The following GABARAP variants were observed in gnomAD, a reference collection of about 807,000 sequenced individuals.
The protein encoded by GABARAP is GABA type A receptor-associated protein.
Under a neutral mutation model 16.7 loss-of-function variants are expected in GABARAP, and 5 were observed. The ratio of observed to expected loss-of-function variants is 0.30; its 90% CI spans 0.16 to 0.63. The LOEUF is 0.63. Among genes scored for constraint, GABARAP ranks in the 20% least tolerant of loss-of-function variants. The pLI, the probability that GABARAP is intolerant of heterozygous loss-of-function variation, is 0.82. For synonymous variants in GABARAP, 45 were observed against 52.7 expected (o/e 0.85, Z 0.64); for missense variants, 84 against 146.6 (o/e 0.57, Z 2.21).
At chr17:7,241,505 G>T in intron 2 of GABARAP, 45 bp from the exon 3 acceptor site, 2 of 1,333,168 alleles carry the variant, frequency 1.5e-6, no homozygotes, top group Non-Finnish European at 2.2e-6. Context: ...GGTCAAAAAT[G>T]CCCTCAAAAG....
Position 7,242,399 on chromosome 17 carries a change from A to G in GABARAP, c.-69T>C. 2 of 1,202,384 alleles carry G rather than the reference A, an allele frequency of 1.7e-6. No individual in the cohort carries two copies. The highest frequency in any genetic ancestry group is 2.4e-5 in the East Asian group (1 of 41,994). 74.5% of individuals were successfully genotyped at this position (1,202,384 alleles called of 1,614,324 possible). ...AGGGGGGCCGGGACGGGGGGCGGCG[A>G]CGACGGCGGCGACGCGCGGGCGGAT... is the stretch of plus-strand genomic sequence containing the variant. On this transcript the variant is annotated 5_prime_UTR_variant, in exon 1 of 4. Coordinates refer to ENST00000302386, the MANE Select transcript of GABARAP (RefSeq NM_007278.2).
rs1448759559 is a variant in GABARAP at position 7,240,153 on chromosome 17, A to G, written c.*701T>C. ...ACAGTAAAAAAAAATTTTTTTTTAC[A>G]TGAGCATTTTTAACATTTAGTTTCA... On this transcript the variant is annotated 3_prime_UTR_variant, in exon 4 of 4. Coordinates refer to ENST00000302386, the MANE Select transcript of GABARAP (RefSeq NM_007278.2). 6.6e-6 allele frequency: 1 copy of G among 152,240 alleles called. No individual in the cohort carries two copies. The highest frequency in any genetic ancestry group is 1.5e-5 in the Non-Finnish European group (1 of 68,036). The allele number at this position is 152,240 out of a possible 1,614,324, so 9.4% of individuals were successfully genotyped here. A position where few individuals can be genotyped will look rare whatever the true frequency, so the allele number is the denominator to read the frequency against.
chr17:7,241,320 C>T, intron 3 of GABARAP, 22 bp downstream of exon 3: 2 of 1,078,948 alleles, frequency 1.9e-6, no homozygotes, highest in South Asian at 1.2e-5. Context: ...CCAAAGCCTC[C>T]ACCACTTCCC....
rs751381915 is a variant in GABARAP, at chr17:7,240,889, T to C, written c.319A>G (p.Ile107Val). The C allele has an allele frequency of 1.2e-6, 2 of 1,613,136 alleles. No homozygotes were observed. The highest frequency in any genetic ancestry group is 1.1e-5 in the South Asian group (1 of 91,056). ...EHHEEDFFLY[I>V]AYSDESVYGL ...TAGACACTTTCGTCACTGTAGGCAATGTAGAGAAAGAAGTCTTCTTCATGG... is the reference window on the plus strand; with the variant it reads ...TAGACACTTTCGTCACTGTAGGCAACGTAGAGAAAGAAGTCTTCTTCATGG... Residue 107 changes from isoleucine (I) to valine (V), a missense_variant, in exon 4 of 4, where the codon ATT becomes GTT. By Grantham distance (29) the Ile-to-Val change is conservative (BLOSUM62 3). Transcript: ENST00000302386.
chr17:7,240,978 G>A (rs2071771627), intron 3 of GABARAP, 59 bp from the exon 4 acceptor site: 3 of 1,079,562 alleles, frequency 2.8e-6, no homozygotes, highest in Non-Finnish European at 4.3e-6. Context: ...AACCAACCAC[G>A]ACCCAGACAC....
Position 7,242,360 on chromosome 17 carries a change from G to A in GABARAP, c.-30C>T, listed in dbSNP as rs953457847. 7 of 1,568,830 alleles carry A rather than the reference G, an allele frequency of 4.5e-6. No homozygotes were observed. The highest frequency in any genetic ancestry group is 1.3e-5 in the African/African-American group (1 of 74,098). ...CCGGGAACCGGGCTGGACAGGGCTGGGCTGAGGGAACCCAGGGGGGCCGGG... is the reference window on the plus strand; with the variant it reads ...CCGGGAACCGGGCTGGACAGGGCTGAGCTGAGGGAACCCAGGGGGGCCGGG... On this transcript the variant is annotated 5_prime_UTR_variant, in exon 1 of 4. Coordinates refer to ENST00000302386, the MANE Select transcript of GABARAP (RefSeq NM_007278.2).
At chr17:7,241,863 T>C in intron 1 of GABARAP, 184 bp from the exon 2 acceptor site, 1 of 608,924 alleles carries the variant, frequency 1.6e-6, no homozygotes, top group South Asian at 1.9e-5. Flanking sequence ...CTCATTTAAA[T>C]ATCCAGGATC....
chr17:7,241,962 C>G (rs7216047), intron 1 of GABARAP: 19,891 of 595,852 alleles, frequency 0.033, 2,735 homozygotes, highest in African/African-American at 0.31. Flanking sequence ...ATCTCGCAAC[C>G]TTAGCTAGCT....
rs1371774952 is a variant in GABARAP, at chr17:7,241,473, C to T, written c.170-13G>A. 2 of 1,430,748 alleles carry T rather than the reference C, an allele frequency of 1.4e-6. No individual in the cohort carries two copies. The highest frequency in any genetic ancestry group is 1.1e-5 in the South Asian group (1 of 87,410). 88.6% of individuals were successfully genotyped at this position (1,430,748 alleles called of 1,614,324 possible). A position where few individuals can be genotyped will look rare whatever the true frequency, so the allele number is the denominator to read the frequency against. On this transcript the variant is annotated splice_polypyrimidine_tract_variant and intron_variant, in intron 2 of 3. Coordinates refer to ENST00000302386, the MANE Select transcript of GABARAP (RefSeq NM_007278.2). ...TAGAACTGACCAACTGCAAAAGATA[C>T]AAGATGCAAGAAAGTCACAGAGGTC...
rs2071766281 is a variant in GABARAP at position 7,240,666 on chromosome 17, A to G, written c.*188T>C. Reference sequence around the variant, plus strand: ...GAAAGGGGAAGAAAGGAGAAAGGAGAGTTACAAGATGCCAACTCCACCATT... The same window carrying G: ...GAAAGGGGAAGAAAGGAGAAAGGAGGGTTACAAGATGCCAACTCCACCATT... On this transcript the variant is annotated 3_prime_UTR_variant, in exon 4 of 4. Transcript: ENST00000302386. The G allele has an allele frequency of 1.8e-6, 1 of 571,250 alleles. No individual in the cohort carries two copies. The highest frequency in any genetic ancestry group is 3.1e-6 in the Non-Finnish European group (1 of 319,870). 35.4% of individuals were successfully genotyped at this position (571,250 alleles called of 1,614,324 possible). A position where few individuals can be genotyped will look rare whatever the true frequency, so the allele number is the denominator to read the frequency against.
chr17:7,242,185 A>C (rs1260659233), intron 1 of GABARAP, 56 bp downstream of exon 1: 1 of 1,326,764 alleles, frequency 7.5e-7, no homozygotes, highest in African/African-American at 1.4e-5. Flanking sequence ...ATCCAAGGCC[A>C]GGCTGTGGCG....
chr17:7,240,494 C>A lies in GABARAP; in HGVS notation c.*360G>T, dbSNP rs568489776. 12 of 184,156 alleles carry A rather than the reference C, an allele frequency of 6.5e-5. No individual in the cohort carries two copies. Among genetic ancestry groups the A allele is most frequent in the Admixed American group, 2.4e-4 (4 of 16,952 alleles). 11.4% of individuals were successfully genotyped at this position (184,156 alleles called of 1,614,324 possible). On this transcript the variant is annotated 3_prime_UTR_variant, in exon 4 of 4. Transcript: ENST00000302386. ...CAATTTCAGTCCCTTCCAACTACCC[C>A]CAAAAAAGAAGGTAGTGAAAGGAAG...
chr17:7,240,781 G>T lies in GABARAP; in HGVS notation c.*73C>A, dbSNP rs973804771. The T allele has an allele frequency of 3.2e-6, 3 of 943,422 alleles. No individual in the cohort carries two copies. The highest frequency in any genetic ancestry group is 3.3e-5 in the African/African-American group (2 of 61,526). 58.4% of individuals were successfully genotyped at this position (943,422 alleles called of 1,614,324 possible). ...GAGGTGGTGTTTGAGCTTGAAGGAG[G>T]AGGAGGTCAAGAAAGGGGGGCCACC... On this transcript the variant is annotated 3_prime_UTR_variant, in exon 4 of 4. Transcript: ENST00000302386.
chr17:7,242,390 G>A lies in GABARAP; in HGVS notation c.-60C>T. 7 of 1,319,860 alleles carry A rather than the reference G, an allele frequency of 5.3e-6. No homozygotes were observed. The highest frequency in any genetic ancestry group is 7.6e-6 in the Non-Finnish European group (7 of 922,144). The allele number at this position is 1,319,860 out of a possible 1,614,324, so 81.8% of individuals were successfully genotyped here. ...AGGGAACCCAGGGGGGCCGGGACGG[G>A]GGGCGGCGACGACGGCGGCGACGCG... On this transcript the variant is annotated 5_prime_UTR_variant, in exon 1 of 4. Transcript: ENST00000302386.
In GABARAP at chr17:7,240,384, G is replaced by A. The variant is rs1464231512; in HGVS notation, c.*470C>T. 6.3e-6 allele frequency: 1 copy of A among 158,982 alleles called. No individual in the cohort carries two copies. The highest frequency in any genetic ancestry group is 1.4e-5 in the Non-Finnish European group (1 of 71,644). 9.8% of individuals were successfully genotyped at this position (158,982 alleles called of 1,614,324 possible). A position where few individuals can be genotyped will look rare whatever the true frequency, so the allele number is the denominator to read the frequency against. ...GACACCTTGGAAAGACTTAAAATCA[G>A]CGGGACGAGGGGAGCAACACAAGGC... On this transcript the variant is annotated 3_prime_UTR_variant, in exon 4 of 4. Coordinates refer to ENST00000302386, the MANE Select transcript of GABARAP (RefSeq NM_007278.2).
chr17:7,240,734 G>A lies in GABARAP; in HGVS notation c.*120C>T. 4.2e-6 allele frequency: 3 copies of A among 707,294 alleles called. No individual in the cohort carries two copies. Among genetic ancestry groups the A allele is most frequent in the Non-Finnish European group, 2.6e-6 (1 of 391,834 alleles). 43.8% of individuals were successfully genotyped at this position (707,294 alleles called of 1,614,324 possible). On this transcript the variant is annotated 3_prime_UTR_variant, in exon 4 of 4. Transcript: ENST00000302386. Reference sequence around the variant, plus strand: ...CTGGAGAGAAAGCCACAAACATTAAGAAGTGCCGGTCCTGAATAAGGGAGG... The same window carrying A: ...CTGGAGAGAAAGCCACAAACATTAAAAAGTGCCGGTCCTGAATAAGGGAGG...
Position 7,240,331 on chromosome 17 carries a change from T to G in GABARAP, c.*523A>C, listed in dbSNP as rs1238005084. 1 of 156,302 alleles carries G rather than the reference T, an allele frequency of 6.4e-6. No individual in the cohort carries two copies. Among genetic ancestry groups the G allele is most frequent in the African/African-American group, 2.4e-5 (1 of 41,410 alleles). The allele number at this position is 156,302 out of a possible 1,614,324, so 9.7% of individuals were successfully genotyped here. ...TATCCCTCCAGCTTGTACCCAGTAC[T>G]CTTCTTTCCCCACCACTGAAACCCA... On this transcript the variant is annotated 3_prime_UTR_variant, in exon 4 of 4. Transcript: ENST00000302386.
intron 1 of GABARAP, 122 bp from the exon 2 acceptor site, chr17:7,241,801 G>A (rs1397393752): frequency 1.4e-6 from 1 of 730,700 alleles, no homozygotes; most frequent in Admixed American, 1.9e-5. Flanking sequence ...CTTTGTCTTT[G>A]TACACGCGGT....
chr17:7,241,573 A>G lies in GABARAP; in HGVS notation c.169+28T>C, dbSNP rs966336372. 3.9e-6 allele frequency: 6 copies of G among 1,553,256 alleles called. No homozygotes were observed. In the African/African-American group the frequency reaches 5.4e-5, roughly 14 times the overall value. On this transcript the variant is annotated intron_variant, in intron 2 of 3. Transcript: ENST00000302386. Reference sequence around the variant, plus strand: ...GACTGCACTCCCACCCACAGGAAGCAAGCCTGAGTCTTGGATCAGGTTCCC... The same window carrying G: ...GACTGCACTCCCACCCACAGGAAGCGAGCCTGAGTCTTGGATCAGGTTCCC...
Sources: allele counts gnomAD v4.1 joint callset, GRCh38; gene constraint gnomAD v4.1.1; transcripts MANE v1.5; gene names NCBI Gene and HGNC (gene_info 2026-07-23, HGNC 2026-07-21).